Variants in PALS2 observed in about 807,000 individuals in gnomAD.
The protein encoded by PALS2 is protein PALS2.
A neutral mutation model predicts 61.6 loss-of-function variants in PALS2; 27 were observed. The observed-to-expected ratio is 0.44, with a 90% confidence interval of 0.32 to 0.60. The LOEUF is 0.60. Among genes scored for constraint, PALS2 ranks in the 20% least tolerant of loss-of-function variants. The pLI is 0.05. For synonymous variants in PALS2, 236 were observed against 218.6 expected (o/e 1.08, Z -0.70); for missense variants, 554 against 639.4 (o/e 0.87, Z 1.44).
At chr7:24,670,789 A>G (rs980199964) in intron 9 of PALS2, among the ~76,000 whole-genome samples, 4 of 152,190 alleles carry the variant, frequency 2.6e-5, no homozygotes, top group Non-Finnish European at 5.9e-5. Flanking sequence ...TACTGGAGTT[A>G]TACAATATGT....
At chr7:24,595,725 A>G (rs1479126453) in intron 1 of PALS2, among the ~76,000 whole-genome samples, 1 of 150,890 alleles carries the variant, frequency 6.6e-6, no homozygotes, top group Admixed American at 6.7e-5. Flanking sequence ...TGAAAATGAA[A>G]CTAAAAGGAT....
chr7:24,675,961 C>T (rs1314703891), intron 9 of PALS2, among the ~76,000 whole-genome samples: 2 of 149,956 alleles, frequency 1.3e-5, no homozygotes, highest in Non-Finnish European at 1.5e-5. Context: ...CTTGAGGAAT[C>T]GCCACACTGA....
intron 3 of PALS2, among the ~76,000 whole-genome samples, chr7:24,643,449 T>C (rs1032526092): frequency 3.3e-5 from 5 of 152,148 alleles, no homozygotes; most frequent in African/African-American, 1.2e-4. Context: ...CATATATAAT[T>C]TTTTTACTAA....
chr7:24,674,001 TTATATA>T (rs777626146), intron 9 of PALS2, among the ~76,000 whole-genome samples: 3 of 151,618 alleles, frequency 2.0e-5, no homozygotes, highest in Non-Finnish European at 4.4e-5. Flanking sequence ...AGTGGGTTTT[TTATATA>T]TATATATAAA....
At chr7:24,582,098 A>G (rs547654722) in intron 1 of PALS2, among the ~76,000 whole-genome samples, 1 of 152,316 alleles carries the variant, frequency 6.6e-6, no homozygotes, top group South Asian at 2.1e-4. Flanking sequence ...TAGATTTCTA[A>G]TGTTTTATGA....
At chr7:24,609,793 T>C (rs183801720) in intron 1 of PALS2, among the ~76,000 whole-genome samples, 2 of 152,206 alleles carry the variant, frequency 1.3e-5, no homozygotes, top group African/African-American at 4.8e-5. Flanking sequence ...TTGTGGTATT[T>C]AGTCAGGCCA....
At chr7:24,623,972 A>G in intron 2 of PALS2, 188 bp downstream of exon 2, 1 of 1,069,822 alleles carries the variant, frequency 9.3e-7, no homozygotes, top group South Asian at 1.5e-5. Context: ...TTCTACTCTG[A>G]CTTTAAATAC....
chr7:24,578,733 G>C (rs1424673065), intron 1 of PALS2, among the ~76,000 whole-genome samples: 1 of 152,138 alleles, frequency 6.6e-6, no homozygotes, highest in Non-Finnish European at 1.5e-5. Context: ...ATTAGAACTT[G>C]GTTGTACTTG....
rs1228176586 is a variant in PALS2, at chr7:24,573,686, C to A, written c.-3+93C>A. 2 of 179,666 alleles carry A rather than the reference C, an allele frequency of 1.1e-5. No individual in the cohort carries two copies. The highest frequency in any genetic ancestry group is 3.0e-4 in the East Asian group (2 of 6,764). The allele number at this position is 179,666 out of a possible 1,614,324, so 11.1% of individuals were successfully genotyped here. A position where few individuals can be genotyped will look rare whatever the true frequency, so the allele number is the denominator to read the frequency against. On this transcript the variant is annotated intron_variant, in intron 1 of 11. Transcript: ENST00000222644. This position sits in a 1 kb window ranked among gnomAD's most constrained non-coding sequence, Gnocchi z 5.3. The stretch of plus-strand genomic sequence containing the variant: ...CCCTGTTGCTCGGCGCGGCGCGCCA[C>A]GCGGGGACCCTGGCCCGCCCCGCCC...
intron 9 of PALS2, among the ~76,000 whole-genome samples, chr7:24,674,922 G>C (rs1787482799): frequency 6.6e-6 from 1 of 152,096 alleles, no homozygotes; most frequent in South Asian, 2.1e-4. Context: ...TTGAAGAGCA[G>C]CTAAAATTGA....
intron 1 of PALS2, among the ~76,000 whole-genome samples, chr7:24,617,925 G>T (rs954590390): frequency 6.6e-6 from 1 of 152,182 alleles, no homozygotes. Flanking sequence ...GCAGCCACTC[G>T]GCCAGTCTAG....
At chr7:24,593,770 T>A (rs1783391959) in intron 1 of PALS2, among the ~76,000 whole-genome samples, 1 of 152,118 alleles carries the variant, frequency 6.6e-6, no homozygotes, top group African/African-American at 2.4e-5. Flanking sequence ...CGAAGTGCTG[T>A]CATCAAGGTT....
intron 1 of PALS2, among the ~76,000 whole-genome samples, chr7:24,612,557 C>T (rs368599336): frequency 1.5e-4 from 23 of 151,784 alleles, no homozygotes; most frequent in South Asian, 8.3e-4. Flanking sequence ...CCTCAGAACA[C>T]GGCTTCTCCA....
In PALS2 at chr7:24,649,685, A is replaced by T. The variant is rs117927165; in HGVS notation, c.344A>T (p.Asn115Ile). Residue 115 changes from asparagine to isoleucine, a missense_variant, in exon 4 of 12, where the codon AAT (asparagine) becomes ATT (isoleucine). Coordinates refer to ENST00000222644, the MANE Select transcript of PALS2 (RefSeq NM_001303037.2). ...CCTCCATCAAGCCCAGAAATGAATA[A>T]TTCTTCTATCAATAATCAGTTATTA... ...DSPPSSPEMN[N>I]SSINNQLLPV... 6.2e-7 allele frequency: 1 copy of T among 1,612,118 alleles called. No individual in the cohort carries two copies. The highest frequency in any genetic ancestry group is 8.5e-7 in the Non-Finnish European group (1 of 1,179,106).
intron 5 of PALS2, among the ~76,000 whole-genome samples, chr7:24,654,875 A>G (rs1786335775): frequency 6.6e-6 from 1 of 152,202 alleles, no homozygotes; most frequent in Non-Finnish European, 1.5e-5. Context: ...AGAGACCTAC[A>G]CATACATATT....
intron 1 of PALS2, among the ~76,000 whole-genome samples, chr7:24,599,655 C>T (rs1783646985): frequency 6.6e-6 from 1 of 151,484 alleles, no homozygotes. Flanking sequence ...CAGGTGTGCA[C>T]CACCGCACCT....
intron 1 of PALS2, among the ~76,000 whole-genome samples, chr7:24,581,704 A>T (rs796899649): frequency 5.3e-5 from 8 of 152,320 alleles, no homozygotes; most frequent in African/African-American, 1.9e-4. Flanking sequence ...CTCAACAAGG[A>T]GTCATCCAGC....
chr7:24,665,291 A>G (rs1333604103), intron 6 of PALS2, among the ~76,000 whole-genome samples: 1 of 152,194 alleles, frequency 6.6e-6, no homozygotes, highest in Non-Finnish European at 1.5e-5. Context: ...TCTTATTTAG[A>G]ATAGCATTTT....
intron 8 of PALS2, among the ~76,000 whole-genome samples, chr7:24,666,647 G>A (rs140901548): frequency 2.6e-5 from 4 of 152,230 alleles, no homozygotes; most frequent in East Asian, 3.9e-4. Flanking sequence ...TAGCTTGATC[G>A]AGGTAATCAT....
Sources: gnomAD v4.1 joint callset for allele counts (sites outside exome capture counted in the v4.1 genomes callset) on GRCh38, gnomAD v4.1.1 for gene constraint, Gnocchi (gnomAD v3.1) non-coding constraint, MANE v1.5 for transcripts, NCBI Gene and HGNC (gene_info 2026-07-23, HGNC 2026-07-21) for gene names.